Variants in ACCS observed in about 807,000 individuals in gnomAD.
The protein encoded by ACCS is 1-aminocyclopropane-1-carboxylate synthase-like protein 1.
In ACCS, 42 loss-of-function variants were observed where a neutral mutation model predicts 59.8. The observed-to-expected ratio is 0.70, with a 90% confidence interval of 0.55 to 0.91. The LOEUF is 0.91. Among genes scored for constraint, ACCS ranks in the 40% least tolerant of loss-of-function variants. ACCS has a pLI of 0.00. For missense variants in ACCS, 602 were observed against 630.4 expected (o/e 0.95, Z 0.48); for synonymous variants, 230 against 240.3 (o/e 0.96, Z 0.40).
rs1953755958 is a variant in ACCS, at chr11:44,083,943, G to A, written c.*151G>A. 1.4e-6 allele frequency: 2 copies of A among 1,452,082 alleles called. No individual in the cohort carries two copies. The highest frequency in any genetic ancestry group is 1.4e-5 in the African/African-American group (1 of 70,676). The allele number at this position is 1,452,082 out of a possible 1,614,324, so 89.9% of individuals were successfully genotyped here. Reference sequence around the variant, plus strand: ...GAAGAACTGTTTCTTGTCTTTCGCTGTAGCAGTGGGAAACTCCTTAAGCTG... The same window carrying A: ...GAAGAACTGTTTCTTGTCTTTCGCTATAGCAGTGGGAAACTCCTTAAGCTG... On this transcript the variant is annotated 3_prime_UTR_variant, in exon 15 of 15. Coordinates refer to ENST00000263776, the MANE Select transcript of ACCS (RefSeq NM_032592.4).
intron 12 of ACCS, 85 bp downstream of exon 12, chr11:44,081,405 T>G: frequency 6.4e-6 from 10 of 1,556,224 alleles, no homozygotes; most frequent in Non-Finnish European, 8.7e-6. Flanking sequence ...ATACTTCTCC[T>G]ATGAGAATAA....
At chr11:44,078,556 C>A in intron 8 of ACCS, 128 bp from the exon 9 acceptor site, 1 of 644,448 alleles carries the variant, frequency 1.6e-6, no homozygotes, top group South Asian at 2.4e-5. Context: ...TTGTTTGCTT[C>A]ATGTTGTGTT....
intron 2 of ACCS, among the ~76,000 whole-genome samples, chr11:44,070,395 A>G (rs780089649): frequency 5.9e-5 from 9 of 152,100 alleles, no homozygotes; most frequent in Non-Finnish European, 1.2e-4. Context: ...ATGTGTTTTG[A>G]AGGTAGAGCT....
At chr11:44,077,174 T>C in intron 6 of ACCS, 105 bp from the exon 7 acceptor site, 1 of 1,284,618 alleles carries the variant, frequency 7.8e-7, no homozygotes, top group Non-Finnish European at 1.1e-6. Context: ...CCCCAAACGG[T>C]CCCCAAAGAA....
intron 10 of ACCS, 55 bp from the exon 11 acceptor site, chr11:44,080,965 A>C: frequency 6.2e-7 from 1 of 1,606,246 alleles, no homozygotes. Context: ...AACCAAACAC[A>C]TGTGGGTTTC....
chr11:44,071,553 G>A (rs1953052121), intron 3 of ACCS: 1 of 472,388 alleles, frequency 2.1e-6, no homozygotes, highest in Non-Finnish European at 3.8e-6. Context: ...CCCTCCTGCT[G>A]TGTTGGGTCC....
rs907731041 is a variant in ACCS, at chr11:44,083,560, T to C, written c.1391T>C (p.Val464Ala). 3.1e-6 allele frequency: 5 copies of C among 1,614,242 alleles called. No individual in the cohort carries two copies. Among genetic ancestry groups the C allele is most frequent in the East Asian group, 4.5e-5 (2 of 44,888 alleles). ...TTTCGCTTTGTCTTCTCAGACCAGG[T>C]CCACCGGCTTTGCCTGGGTGAGCAG... ...GWFRFVFSDQ[V>A]HRLCLGMQRV... The change falls in exon 14 of 15, where the codon GTC becomes GCC. Residue 464 changes from valine to alanine, a missense_variant. By Grantham distance (64) the Val-to-Ala change is moderately conservative. Transcript: ENST00000263776.
At chr11:44,077,422 C>T in intron 7 of ACCS, 46 bp downstream of exon 7, 1 of 1,610,746 alleles carries the variant, frequency 6.2e-7, no homozygotes. Context: ...TGCCTGTGGT[C>T]AAGAGTTTCC....
chr11:44,079,041 T>C (rs1565181234), intron 9 of ACCS: 1 of 479,830 alleles, frequency 2.1e-6, no homozygotes, highest in African/African-American at 2.3e-5. Flanking sequence ...ATGTGCCTCA[T>C]ACAATCCTCA....
intron 8 of ACCS, chr11:44,078,149 A>C (rs557098031): frequency 1.8e-6 from 1 of 559,796 alleles, no homozygotes; most frequent in African/African-American, 1.9e-5. Flanking sequence ...ACAGAGAATC[A>C]ACCAGGGAGC....
chr11:44,082,855 A>C (rs1371540870), intron 12 of ACCS, among the ~76,000 whole-genome samples: 1 of 152,168 alleles, frequency 6.6e-6, no homozygotes, highest in Non-Finnish European at 1.5e-5. Flanking sequence ...ACTACAGAGC[A>C]TCACTCTGGA....
rs1953613173 is a variant in ACCS, at chr11:44,081,023, C to T, written c.927C>T (p.Leu309=). ...GYRSVLSLER[L]PDPQRTHVMW... is the part of the protein sequence containing the mutation. ...TCCCATGCTGTGCTCTCTGCAGGCTCCCTGACCCCCAGAGGACCCATGTGA... is the reference window on the plus strand; with the variant it reads ...TCCCATGCTGTGCTCTCTGCAGGCTTCCTGACCCCCAGAGGACCCATGTGA... The change falls in exon 11 of 15, where the codon CTC becomes CTT. Residue 309 remains leucine (L), a synonymous_variant. Transcript: ENST00000263776. 1 of 1,614,218 alleles carries T rather than the reference C, an allele frequency of 6.2e-7. No homozygotes were observed. The highest frequency in any genetic ancestry group is 8.5e-7 in the Non-Finnish European group (1 of 1,180,044).
chr11:44,077,526 T>A, intron 7 of ACCS, 150 bp downstream of exon 7: 2 of 1,461,896 alleles, frequency 1.4e-6, no homozygotes, highest in Non-Finnish European at 1.8e-6. Flanking sequence ...TGCCTGTGCC[T>A]GGGTTCCCCA....
intron 1 of ACCS, 85 bp from the exon 2 acceptor site, chr11:44,067,543 G>C: frequency 7.2e-7 from 1 of 1,390,006 alleles, no homozygotes; most frequent in Non-Finnish European, 9.8e-7. Context: ...TAAGAGAAAG[G>C]GGACTCCCAT....
At chr11:44,079,432 C>A in intron 9 of ACCS, 99 bp from the exon 10 acceptor site, 2 of 977,812 alleles carry the variant, frequency 2.0e-6, no homozygotes, top group Non-Finnish European at 3.1e-6. Context: ...CGGGCTAGAC[C>A]CCGGCCCCTC....
rs1008329345 is a variant in ACCS at position 44,084,059 on chromosome 11, G to A, written c.*267G>A. 1.6e-5 allele frequency: 9 copies of A among 557,032 alleles called. No individual in the cohort carries two copies. Among genetic ancestry groups the A allele is most frequent in the East Asian group, 8.2e-5 (2 of 24,504 alleles). The allele number at this position is 557,032 out of a possible 1,614,324, so 34.5% of individuals were successfully genotyped here. ...GTGAGTTATTTAGAATGGAGGAGTC[G>A]TGACTGCTTCTAACCAGAGCCTCAG... On this transcript the variant is annotated 3_prime_UTR_variant, in exon 15 of 15. Transcript: ENST00000263776.
intron 2 of ACCS, 45 bp downstream of exon 2, chr11:44,067,960 G>A (rs1304474256): frequency 1.3e-6 from 2 of 1,548,018 alleles, no homozygotes; most frequent in Non-Finnish European, 8.7e-7. Context: ...GAGAACTGCA[G>A]GGTGGGGTAC....
chr11:44,076,355 A>T (rs902506650), intron 6 of ACCS, among the ~76,000 whole-genome samples: 6 of 152,250 alleles, frequency 3.9e-5, no homozygotes, highest in Non-Finnish European at 8.8e-5. Flanking sequence ...CTTTATGCAG[A>T]GTATTTCATT....
At chr11:44,077,583 A>T (rs1953434770) in intron 7 of ACCS, 3 of 1,437,174 alleles carry the variant, frequency 2.1e-6, no homozygotes, top group Admixed American at 5.7e-5. Context: ...TTGATGTAGA[A>T]GCCAAGAGCC....
Sources: gnomAD v4.1 joint callset for allele counts (sites outside exome capture counted in the v4.1 genomes callset) on GRCh38, gnomAD v4.1.1 for gene constraint, MANE v1.5 for transcripts, NCBI Gene and HGNC (gene_info 2026-07-23, HGNC 2026-07-21) for gene names.